Variants in NRCAM observed in about 807,000 individuals in gnomAD.
NRCAM encodes the protein neuronal cell adhesion molecule.
A neutral mutation model predicts 156.5 loss-of-function variants in NRCAM; 83 were observed. The ratio of observed to expected loss-of-function variants is 0.53; its 90% CI spans 0.44 to 0.64. The LOEUF is 0.64. Among genes scored for constraint, NRCAM ranks in the 30% least tolerant of loss-of-function variants. NRCAM has a pLI of 0.00. For missense variants in NRCAM, 1,417 were observed against 1,597.3 expected, an observed-to-expected ratio of 0.89 and a Z score of 1.92; for synonymous variants, 538 against 563.9, an observed-to-expected ratio of 0.95 and a Z score of 0.65.
At chr7:108,178,187 G>A in intron 25 of NRCAM, 75 bp from the exon 26 acceptor site, 1 of 1,488,936 alleles carries the variant, frequency 6.7e-7, no homozygotes, top group Non-Finnish European at 9.2e-7. Context: ...ATTTCACCGT[G>A]CTCGCACGAT....
At chr7:108,196,675 G>C (rs1202531035) in intron 14 of NRCAM, among the ~76,000 whole-genome samples, 1 of 152,146 alleles carries the variant, frequency 6.6e-6, no homozygotes, top group Admixed American at 6.5e-5. Flanking sequence ...TCAAAAAGAG[G>C]AGATCTAAGT....
At position 108,387,396 on chromosome 7, in the gene NRCAM, T is replaced by G. The variant is rs2080491; in HGVS notation, c.-174+12040A>C. ...GTATTGTCCAATTGGTCAGAACTGG[T>G]GCACTATTTATGGATTACTTATAGG... On this transcript the variant is annotated intron_variant, in intron 2 of 32. Coordinates refer to ENST00000379028, the MANE Select transcript of NRCAM (RefSeq NM_001037132.4). 5.3e-3 allele frequency among the ~76,000 whole-genome samples: 807 copies of G among 152,204 alleles called. 9 individuals are homozygous for G. Among genetic ancestry groups the G allele is most frequent in the African/African-American group, 0.019 (780 of 41,550 alleles).
At chr7:108,306,363 A>G (rs889971824) in intron 3 of NRCAM, among the ~76,000 whole-genome samples, 2 of 152,160 alleles carry the variant, frequency 1.3e-5, no homozygotes, top group African/African-American at 4.8e-5. Context: ...TACCAATGTT[A>G]AAGGTAATTT....
intron 28 of NRCAM, among the ~76,000 whole-genome samples, chr7:108,173,418 A>G (rs1782701649): frequency 6.6e-6 from 1 of 152,248 alleles, no homozygotes; most frequent in Non-Finnish European, 1.5e-5. Flanking sequence ...AGGATAGTGG[A>G]GAACTTCAAT....
intron 2 of NRCAM, among the ~76,000 whole-genome samples, chr7:108,348,980 A>G (rs2099391094): frequency 6.6e-6 from 1 of 151,834 alleles, no homozygotes; most frequent in Non-Finnish European, 1.5e-5. Flanking sequence ...ATGGGGGGGA[A>G]TGTATTGGCA....
chr7:108,432,227 G>T (rs535829264), intron 1 of NRCAM, among the ~76,000 whole-genome samples: 1 of 152,170 alleles, frequency 6.6e-6, no homozygotes, highest in Non-Finnish European at 1.5e-5. Flanking sequence ...AGAGGATAAG[G>T]AATAAAGAAA....
At chr7:108,401,049 C>T (rs2099791032) in intron 1 of NRCAM, among the ~76,000 whole-genome samples, 2 of 152,108 alleles carry the variant, frequency 1.3e-5, no homozygotes, top group Non-Finnish European at 2.9e-5. Flanking sequence ...CACCTGAGGT[C>T]AGGAATTCGA....
intron 1 of NRCAM, among the ~76,000 whole-genome samples, chr7:108,431,072 C>A (rs1427583875): frequency 6.6e-6 from 1 of 152,128 alleles, no homozygotes; most frequent in Admixed American, 6.5e-5. Flanking sequence ...ATATTTGCCA[C>A]CATCTTTCAC....
At chr7:108,248,773 C>T (rs2153872188) in intron 3 of NRCAM, among the ~76,000 whole-genome samples, 1 of 152,288 alleles carries the variant, frequency 6.6e-6, no homozygotes, top group African/African-American at 2.4e-5. Flanking sequence ...TCAATGACTC[C>T]AATCATCAGA....
intron 2 of NRCAM, among the ~76,000 whole-genome samples, chr7:108,359,411 T>C (rs563002558): frequency 9.9e-5 from 15 of 152,104 alleles, no homozygotes; most frequent in African/African-American, 3.6e-4. Flanking sequence ...AGAAGGAGGG[T>C]GACCTCTGAT....
intron 2 of NRCAM, among the ~76,000 whole-genome samples, chr7:108,325,400 C>G (rs2099056944): frequency 6.6e-6 from 1 of 152,050 alleles, no homozygotes; most frequent in African/African-American, 2.4e-5. Flanking sequence ...TTGGGCAACT[C>G]ATTAGGAAAA....
chr7:108,385,122 G>A (rs913059078), intron 2 of NRCAM, among the ~76,000 whole-genome samples: 1 of 152,164 alleles, frequency 6.6e-6, no homozygotes, highest in Non-Finnish European at 1.5e-5. Flanking sequence ...GCAACTTAAG[G>A]CGTTATGAGG....
intron 2 of NRCAM, among the ~76,000 whole-genome samples, chr7:108,390,557 C>T (rs192818229): frequency 1.2e-3 from 179 of 151,860 alleles, no homozygotes; most frequent in Non-Finnish European, 2.2e-3. Context: ...AACAGTTTTT[C>T]GTGTCTCTAT....
At chr7:108,156,504 T>G (rs757676132) in intron 32 of NRCAM, 3 of 770,938 alleles carry the variant, frequency 3.9e-6, no homozygotes, top group Non-Finnish European at 4.7e-6. Flanking sequence ...AGAGGGTAAC[T>G]GCTTGGGGGT....
chr7:108,182,731 C>T lies in NRCAM; in HGVS notation c.2494G>A (p.Glu832Lys), dbSNP rs745393054. The T allele has an allele frequency of 7.4e-6, 12 of 1,614,112 alleles. No individual in the cohort carries two copies. Among genetic ancestry groups the T allele is most frequent in the South Asian group, 4.4e-5 (4 of 91,092 alleles). Residue 832 changes from glutamate to lysine, a missense_variant, in exon 23 of 33, where the codon GAG becomes AAG. Coordinates refer to ENST00000379028, the MANE Select transcript of NRCAM (RefSeq NM_001037132.4). Reference sequence around the variant, plus strand: ...GAATGTCCCATGACTACAGCTGGCTCGGGGGCAAACCCCATGTCATTCAGG... The same window carrying T: ...GAATGTCCCATGACTACAGCTGGCTTGGGGGCAAACCCCATGTCATTCAGG... The part of the protein sequence containing the change: ...QALNDMGFAP[E>K]PAVVMGHSGE...
At chr7:108,265,782 C>G (rs1400759655) in intron 3 of NRCAM, among the ~76,000 whole-genome samples, 1 of 152,228 alleles carries the variant, frequency 6.6e-6, no homozygotes, top group Non-Finnish European at 1.5e-5. Flanking sequence ...AAACTGTGCA[C>G]AGTGTCTTTA....
intron 3 of NRCAM, among the ~76,000 whole-genome samples, chr7:108,299,919 C>G (rs2098554326): frequency 6.6e-6 from 1 of 152,190 alleles, no homozygotes; most frequent in Non-Finnish European, 1.5e-5. Flanking sequence ...GTAATTAACA[C>G]TGTACCTCGA....
chr7:108,204,986 A>G (rs1340029660), intron 13 of NRCAM, among the ~76,000 whole-genome samples: 1 of 152,152 alleles, frequency 6.6e-6, no homozygotes, highest in Non-Finnish European at 1.5e-5. Context: ...TTATGAGTGT[A>G]TTTTCAAAGC....
intron 2 of NRCAM, among the ~76,000 whole-genome samples, chr7:108,383,339 T>C (rs537542639): frequency 6.6e-6 from 1 of 152,328 alleles, no homozygotes; most frequent in African/African-American, 2.4e-5. Flanking sequence ...CTAATGCATA[T>C]TCATGAGGAC....
Sources: allele counts gnomAD v4.1 joint callset (sites outside exome capture counted in the v4.1 genomes callset), GRCh38; gene constraint gnomAD v4.1.1; transcripts MANE v1.5; gene names NCBI Gene and HGNC (gene_info 2026-07-23, HGNC 2026-07-21).